Variants in CFDP1 observed in about 807,000 individuals in gnomAD.
The protein encoded by CFDP1 is chromatin remodeling protein CFDP1, also known as heterochromatin-stabilizing protein CFDP1.
In CFDP1, 31 loss-of-function variants were observed where a neutral mutation model predicts 40.1. The observed-to-expected ratio is 0.77, with a 90% CI of 0.58 to 1.04. The LOEUF is 1.04. CFDP1 is among the 50% of genes least tolerant of loss of function. The pLI is 0.00. For synonymous variants in CFDP1, 167 were observed against 120.0 expected (o/e 1.39, Z -2.56); for missense variants, 423 against 343.4 (o/e 1.23, Z -1.83).
chr16:75,431,733 G>A (rs1409784902), intron 1 of CFDP1, among the ~76,000 whole-genome samples: 1 of 152,162 alleles, frequency 6.6e-6, no homozygotes, highest in Non-Finnish European at 1.5e-5. Flanking sequence ...AGGTGGAAGT[G>A]TTTGTGTGTG....
chr16:75,303,502 G>GTC (rs768700594), intron 6 of CFDP1, among the ~76,000 whole-genome samples: 1 of 56,848 alleles, frequency 1.8e-5, no homozygotes, highest in East Asian at 4.1e-4. Flanking sequence ...TTAGAAATAT[G>GTC]ACCCCCCCCA....
At chr16:75,318,853 G>C (rs183943543) in intron 5 of CFDP1, among the ~76,000 whole-genome samples, 1 of 152,242 alleles carries the variant, frequency 6.6e-6, no homozygotes, top group Admixed American at 6.5e-5. Flanking sequence ...TTGAGACTAG[G>C]CTAAAGTTTT....
At chr16:75,324,670 G>A (rs1177621423) in intron 5 of CFDP1, 1 of 151,526 alleles carries the variant, frequency 6.6e-6, no homozygotes, top group Non-Finnish European at 1.5e-5. Flanking sequence ...TTGAACCTGG[G>A]AGGTGGAGGT....
chr16:75,300,523 G>T (rs2078214946), intron 6 of CFDP1, among the ~76,000 whole-genome samples: 1 of 152,206 alleles, frequency 6.6e-6, no homozygotes, highest in South Asian at 2.1e-4. Context: ...CTGACCTCAG[G>T]TTATCTGCCT....
chr16:75,432,963 C>T (rs916793450), intron 1 of CFDP1, among the ~76,000 whole-genome samples: 1 of 152,210 alleles, frequency 6.6e-6, no homozygotes, highest in Non-Finnish European at 1.5e-5. Flanking sequence ...CGGACTGCCG[C>T]CCCGACTTCT....
At chr16:75,429,095 CAAGAG>C (rs1468744451) in intron 1 of CFDP1, among the ~76,000 whole-genome samples, 1 of 150,980 alleles carries the variant, frequency 6.6e-6, no homozygotes, top group Non-Finnish European at 1.5e-5. Context: ...CTAGCCTGGA[CAAGAG>C]AGACAGAGTC....
At chr16:75,355,543 A>G (rs370469581) in intron 5 of CFDP1, among the ~76,000 whole-genome samples, 12 of 152,320 alleles carry the variant, frequency 7.9e-5, no homozygotes, top group African/African-American at 2.4e-4. Flanking sequence ...GTTTTATCAT[A>G]AAATTGAAGC....
At chr16:75,404,117 G>A (rs1199865416) in intron 4 of CFDP1, among the ~76,000 whole-genome samples, 2 of 151,412 alleles carry the variant, frequency 1.3e-5, no homozygotes, top group Non-Finnish European at 2.9e-5. Context: ...GGGCAACAGA[G>A]TAAGACCGTG....
rs1328871272 is a variant in CFDP1, at chr16:75,342,355, G to A, written c.651-37173C>T. Among the ~76,000 whole-genome samples the A allele has an allele frequency of 3.3e-5, 5 of 152,310 alleles. No homozygotes were observed. The East Asian group carries it at 5.8e-4, about 18-fold the overall frequency. The stretch of plus-strand genomic sequence containing the variant: ...ACTAGTATCCTTCCTCATTTGCCAG[G>A]AAGAAAAAGTCAGTATAACAGGAAC... On this transcript the variant is annotated intron_variant, in intron 5 of 6. Coordinates refer to ENST00000283882, the MANE Select transcript of CFDP1 (RefSeq NM_006324.3).
At chr16:75,322,751 A>G (rs1373201006) in intron 5 of CFDP1, among the ~76,000 whole-genome samples, 2 of 151,762 alleles carry the variant, frequency 1.3e-5, no homozygotes, top group Non-Finnish European at 2.9e-5. Flanking sequence ...CACTAAGTAG[A>G]ATACAAATAT....
chr16:75,337,280 C>T (rs370289790), intron 5 of CFDP1, among the ~76,000 whole-genome samples: 18 of 152,212 alleles, frequency 1.2e-4, no homozygotes, highest in East Asian at 3.9e-4. Flanking sequence ...GGTGGAGCAG[C>T]GGCCACAGGC....
chr16:75,360,371 G>C (rs1398100120), intron 5 of CFDP1, among the ~76,000 whole-genome samples: 1 of 152,218 alleles, frequency 6.6e-6, no homozygotes, highest in Non-Finnish European at 1.5e-5. Context: ...AAAGGAATCA[G>C]CTCAAAGACA....
intron 5 of CFDP1, among the ~76,000 whole-genome samples, chr16:75,306,133 T>C (rs915300770): frequency 2.0e-5 from 3 of 152,248 alleles, no homozygotes; most frequent in Non-Finnish European, 4.4e-5. Flanking sequence ...CACGGGGATA[T>C]GCAAGAAAGT....
Position 75,414,688 on chromosome 16 carries a change from C to T in CFDP1, c.72G>A (p.Glu24=), listed in dbSNP as rs1290611684. ...ATTCATTTACATCATCTTCACTATA[C>T]TCTCCACCTGAAATCACATAACAGG... The part of the protein sequence containing the change: ...EDEDYVPSGG[E]YSEDDVNELV... Residue 24 remains glutamate, a synonymous_variant, in exon 2 of 7, where the codon GAG becomes GAA. Transcript: ENST00000283882. The T allele has an allele frequency of 2.5e-6, 4 of 1,599,470 alleles. No individual in the cohort carries two copies. The highest frequency in any genetic ancestry group is 1.7e-4 in the Middle Eastern group (1 of 6,058).
chr16:75,392,278 G>A (rs2078958774), intron 5 of CFDP1, among the ~76,000 whole-genome samples: 1 of 151,772 alleles, frequency 6.6e-6, no homozygotes, highest in African/African-American at 2.4e-5. Flanking sequence ...GGCAGCACGT[G>A]CCTGTAATCC....
chr16:75,417,708 A>C (rs563907936), intron 1 of CFDP1, among the ~76,000 whole-genome samples: 16 of 152,284 alleles, frequency 1.1e-4, no homozygotes, highest in Middle Eastern at 6.8e-3. Flanking sequence ...ATAAATAAAC[A>C]TAACTGTATA....
At chr16:75,362,299 G>T (rs1398674885) in intron 5 of CFDP1, among the ~76,000 whole-genome samples, 1 of 152,134 alleles carries the variant, frequency 6.6e-6, no homozygotes, top group Non-Finnish European at 1.5e-5. Context: ...AGAAAGGCGG[G>T]GCCCAGCTGC....
intron 5 of CFDP1, among the ~76,000 whole-genome samples, chr16:75,326,599 G>A (rs1206940841): frequency 6.6e-6 from 1 of 152,184 alleles, no homozygotes; most frequent in Non-Finnish European, 1.5e-5. Context: ...AGGTAAGGTG[G>A]CTAACAACAG....
chr16:75,317,180 T>C lies in CFDP1; in HGVS notation c.651-11998A>G, dbSNP rs189206851. On this transcript the variant is annotated intron_variant, in intron 5 of 6. Coordinates refer to ENST00000283882, the MANE Select transcript of CFDP1 (RefSeq NM_006324.3). ...AGACTTCTCAAGGCCTGGTGCCTGGTACGCATGAGGGTTAAATGACACGAA... is the reference window on the plus strand; with the variant it reads ...AGACTTCTCAAGGCCTGGTGCCTGGCACGCATGAGGGTTAAATGACACGAA... Among the ~76,000 whole-genome samples the C allele has an allele frequency of 4.6e-5, 7 of 152,292 alleles. No homozygotes were observed. The East Asian group carries it at 1.4e-3, about 29-fold the overall frequency.
Sources: gnomAD v4.1 joint callset for allele counts (sites outside exome capture counted in the v4.1 genomes callset) on GRCh38, gnomAD v4.1.1 for gene constraint, MANE v1.5 for transcripts, NCBI Gene and HGNC (gene_info 2026-07-23, HGNC 2026-07-21) for gene names.